Variants in PLD5 observed in about 807,000 individuals in gnomAD.
The protein encoded by PLD5 is inactive phospholipase D5.
PLD5 carries 36 observed loss-of-function variants against 61.1 expected under a neutral mutation model. The observed-to-expected ratio is 0.59, with a 90% CI of 0.45 to 0.78. The LOEUF (loss-of-function observed/expected upper bound fraction) is 0.78, where lower values mean the gene tolerates loss of function less well. Ranked by LOEUF, PLD5 falls within the 30% of genes least tolerant of loss-of-function variation. The probability of loss-of-function intolerance (pLI) is 0.00; values close to 1 mark genes in which losing one functional copy is unlikely to be tolerated. For synonymous variants in PLD5, 243 were observed against 242.8 expected (o/e 1.00, Z -0.01); for missense variants, 515 against 644.4 (o/e 0.80, Z 2.17).
chr1:242,090,263 A>T (rs114524766), intron 9 of PLD5, among the ~76,000 whole-genome samples, 153 bp from the exon 10 acceptor site: 3,427 of 152,312 alleles, frequency 0.022, 107 homozygotes, highest in African/African-American at 0.073. Context: ...CGAAAAAAAA[A>T]TCCAAGAAGC....
At chr1:242,171,543 A>T (rs1256507562) in intron 5 of PLD5, among the ~76,000 whole-genome samples, 3 of 152,206 alleles carry the variant, frequency 2.0e-5, no homozygotes, top group Admixed American at 6.5e-5. Flanking sequence ...GCATAACAAT[A>T]TTAACCTTAA....
At chr1:242,107,917 T>C (rs527640750) in intron 7 of PLD5, 78 bp from the exon 8 acceptor site, 16 of 1,319,156 alleles carry the variant, frequency 1.2e-5, no homozygotes, top group South Asian at 7.2e-5. Context: ...GCATAGAACA[T>C]TGATATTACT....
chr1:242,108,506 G>A (rs1396697252), intron 7 of PLD5, among the ~76,000 whole-genome samples: 2 of 152,094 alleles, frequency 1.3e-5, no homozygotes, highest in South Asian at 4.1e-4. Context: ...GGATTTCTGC[G>A]TGCATTTTCT....
intron 1 of PLD5, among the ~76,000 whole-genome samples, chr1:242,369,842 G>A (rs1295924123): frequency 6.6e-6 from 1 of 152,086 alleles, no homozygotes; most frequent in Non-Finnish European, 1.5e-5. Context: ...CACCCCGGGT[G>A]GTCTGCATTT....
At chr1:242,439,698 G>T (rs1666182974) in intron 1 of PLD5, among the ~76,000 whole-genome samples, 1 of 152,186 alleles carries the variant, frequency 6.6e-6, no homozygotes, top group Non-Finnish European at 1.5e-5. Flanking sequence ...ACTACGGACT[G>T]CAGGTATAAA....
intron 1 of PLD5, among the ~76,000 whole-genome samples, chr1:242,356,375 C>T (rs375239284): frequency 6.6e-6 from 1 of 151,650 alleles, no homozygotes; most frequent in Non-Finnish European, 1.5e-5. Flanking sequence ...TCTAATGTAG[C>T]TATCACTACC....
At chr1:242,493,598 A>G (rs1426463265) in intron 1 of PLD5, among the ~76,000 whole-genome samples, 1 of 152,120 alleles carries the variant, frequency 6.6e-6, no homozygotes, top group Non-Finnish European at 1.5e-5. Flanking sequence ...AGGCTGCCAC[A>G]TGGCCACCGA....
chr1:242,115,140 T>C (rs1047707995), intron 6 of PLD5, among the ~76,000 whole-genome samples: 3 of 151,836 alleles, frequency 2.0e-5, no homozygotes, highest in African/African-American at 7.3e-5. Context: ...ATTGCATCAC[T>C]GCACTCCAGC....
chr1:242,260,656 T>G (rs1468258907), intron 4 of PLD5, among the ~76,000 whole-genome samples: 2 of 152,230 alleles, frequency 1.3e-5, no homozygotes, highest in Admixed American at 6.5e-5. Context: ...TTTAAATAAA[T>G]TTTTGTAAAG....
chr1:242,444,548 C>T (rs1294102587), intron 1 of PLD5, among the ~76,000 whole-genome samples: 2 of 150,242 alleles, frequency 1.3e-5, no homozygotes, highest in Non-Finnish European at 3.0e-5. Flanking sequence ...AATATAGGTG[C>T]ATGTAACCTC....
At chr1:242,185,288 C>CAACA (rs374187054) in intron 5 of PLD5, among the ~76,000 whole-genome samples, 1 of 151,868 alleles carries the variant, frequency 6.6e-6, no homozygotes, top group African/African-American at 2.4e-5. Context: ...GTGCTTCCAA[C>CAACA]AACAACAACA....
At chr1:242,198,439 C>T (rs1295768222) in intron 5 of PLD5, among the ~76,000 whole-genome samples, 1 of 137,432 alleles carries the variant, frequency 7.3e-6, no homozygotes, top group Non-Finnish European at 1.5e-5. Context: ...ACCAGTCCTT[C>T]CAACTGAAAT....
At chr1:242,172,080 T>C (rs1295695486) in intron 5 of PLD5, among the ~76,000 whole-genome samples, 1 of 152,246 alleles carries the variant, frequency 6.6e-6, no homozygotes, top group Non-Finnish European at 1.5e-5. Context: ...AGAACATACA[T>C]GCTTTGCAGC....
At chr1:242,438,991 T>C (rs1174760277) in intron 1 of PLD5, among the ~76,000 whole-genome samples, 2 of 152,304 alleles carry the variant, frequency 1.3e-5, no homozygotes, top group African/African-American at 4.8e-5. Flanking sequence ...CTTATCTCAA[T>C]ATGTATATTT....
intron 1 of PLD5, among the ~76,000 whole-genome samples, chr1:242,469,014 T>C (rs1667360615): frequency 6.6e-6 from 1 of 152,208 alleles, no homozygotes; most frequent in Non-Finnish European, 1.5e-5. Flanking sequence ...GCAGTCTGGT[T>C]CCAAAGTCCA....
intron 4 of PLD5, among the ~76,000 whole-genome samples, chr1:242,258,313 C>A (rs1341778721): frequency 3.3e-5 from 5 of 152,174 alleles, no homozygotes; most frequent in Admixed American, 3.3e-4. Flanking sequence ...AGTATGGTCA[C>A]TGCACTATAA....
chr1:242,358,789 G>T (rs1660901593), intron 1 of PLD5, among the ~76,000 whole-genome samples: 1 of 152,172 alleles, frequency 6.6e-6, no homozygotes, highest in South Asian at 2.1e-4. Context: ...CCTGCTTATT[G>T]TCAAAATTTG....
chr1:242,302,705 C>T (rs919652880), intron 2 of PLD5, among the ~76,000 whole-genome samples: 2 of 152,182 alleles, frequency 1.3e-5, no homozygotes, highest in Admixed American at 6.5e-5. Context: ...GGCAACAGAG[C>T]AAGACTCTGC....
At chr1:242,277,461 G>A (rs1348362927) in intron 3 of PLD5, among the ~76,000 whole-genome samples, 1 of 47,816 alleles carries the variant, frequency 2.1e-5, no homozygotes, top group Non-Finnish European at 5.4e-5. Context: ...TTGATCTTGA[G>A]CAAATGGACA....
Sources: allele counts gnomAD v4.1 joint callset (sites outside exome capture counted in the v4.1 genomes callset), GRCh38; gene constraint gnomAD v4.1.1; transcripts MANE v1.5; gene names NCBI Gene and HGNC (gene_info 2026-07-23, HGNC 2026-07-21).